DMD: variants seen among roughly 807,000 people sequenced by gnomAD.
DMD encodes dystrophin.
In DMD, 63 loss-of-function variants were observed where a neutral mutation model predicts 330.1. The observed-to-expected ratio is 0.19, with a 90% CI of 0.16 to 0.24. DMD has a LOEUF of 0.24. DMD is among the 10% of genes least tolerant of loss of function. The pLI, the probability that DMD is intolerant of heterozygous loss-of-function variation, is 1.00. For missense variants in DMD, 3,344 were observed against 2,684.1 expected, an observed-to-expected ratio of 1.25 and a Z score of -5.43; for synonymous variants, 1,223 against 959.8, an observed-to-expected ratio of 1.27 and a Z score of -5.07.
At chrX:32,052,719 G>A (rs1406827772) in intron 44 of DMD, among the ~76,000 whole-genome samples, 7 of 110,799 alleles carry the variant, frequency 6.3e-5, no homozygotes, top group South Asian at 3.8e-4. Flanking sequence ...TGGGAAGGTG[G>A]GCACAACGAT....
At chrX:32,325,430 C>T (rs148800458) in intron 41 of DMD, among the ~76,000 whole-genome samples, 1 of 111,427 alleles carries the variant, frequency 9.0e-6, no homozygotes, top group Admixed American at 9.6e-5. Flanking sequence ...GTAGGCATGG[C>T]CCCCTCTAAT....
intron 52 of DMD, among the ~76,000 whole-genome samples, chrX:31,721,705 T>C (rs1217776975): frequency 4.1e-5 from 2 of 49,075 alleles, no homozygotes; most frequent in African/African-American, 2.5e-4. Flanking sequence ...TCTCTCTCTC[T>C]CTCTCTCTCT....
At chrX:32,413,427 T>TC (rs1489792711) in intron 29 of DMD, among the ~76,000 whole-genome samples, 2 of 111,530 alleles carry the variant, frequency 1.8e-5, no homozygotes, top group African/African-American at 6.6e-5. Flanking sequence ...CTCTATCATG[T>TC]CCTTCATCAT....
At chrX:31,329,343 A>G (rs1157442298) in intron 61 of DMD, among the ~76,000 whole-genome samples, 3 of 111,519 alleles carry the variant, frequency 2.7e-5, no homozygotes, top group Non-Finnish European at 3.8e-5. Flanking sequence ...ATTTTCATAC[A>G]ATGGAATACC....
At chrX:32,738,097 G>A (rs1035018138) in intron 7 of DMD, among the ~76,000 whole-genome samples, 1 of 111,366 alleles carries the variant, frequency 9.0e-6, no homozygotes, top group Non-Finnish European at 1.9e-5. Flanking sequence ...AGTGAAATAT[G>A]GGCAAAACTG....
chrX:32,193,153 G>A (rs920812132), intron 44 of DMD, among the ~76,000 whole-genome samples: 1 of 111,102 alleles, frequency 9.0e-6, no homozygotes, highest in African/African-American at 3.3e-5. Context: ...GCCACGACTG[G>A]AAGCTTCCCG....
chrX:31,623,866 C>T (rs1218209784), intron 55 of DMD, among the ~76,000 whole-genome samples: 1 of 110,943 alleles, frequency 9.0e-6, no homozygotes, highest in East Asian at 2.8e-4. Context: ...ATAAAGGTCA[C>T]CACATACCCA....
chrX:32,924,703 A>C (rs1189713615), intron 2 of DMD, among the ~76,000 whole-genome samples: 1 of 111,510 alleles, frequency 9.0e-6, no homozygotes, highest in Non-Finnish European at 1.9e-5. Context: ...GTGAGAAAAT[A>C]TTCTTTAGAA....
At chrX:31,663,222 G>A (rs1569195628) in intron 53 of DMD, among the ~76,000 whole-genome samples, 1 of 111,833 alleles carries the variant, frequency 8.9e-6, no homozygotes, top group Non-Finnish European at 1.9e-5. Context: ...TGCTCCCTCT[G>A]TAATTCCATT....
intron 23 of DMD, among the ~76,000 whole-genome samples, chrX:32,467,874 T>A (rs2040208677): frequency 9.1e-6 from 1 of 110,036 alleles, no homozygotes; most frequent in Non-Finnish European, 1.9e-5. Context: ...TCTGCTAATT[T>A]CTTAGGAGTA....
chrX:33,250,034 T>A (rs1450264143), intron 1 of DMD, among the ~76,000 whole-genome samples: 13 of 104,662 alleles, frequency 1.2e-4, no homozygotes, highest in African/African-American at 4.7e-4. Context: ...TGTGTTGTTG[T>A]GGTTCTTTTT....
chrX:31,944,603 G>A (rs191614212), intron 45 of DMD, among the ~76,000 whole-genome samples: 1,581 of 104,320 alleles, frequency 0.015, 12 homozygotes, highest in Non-Finnish European at 0.024. Flanking sequence ...TCAGCCTCCC[G>A]AGTAGCTGGG....
intron 2 of DMD, among the ~76,000 whole-genome samples, chrX:32,998,252 T>G (rs2093177371): frequency 9.4e-6 from 1 of 105,942 alleles, no homozygotes; most frequent in African/African-American, 3.4e-5. Context: ...TGCCTGTAGC[T>G]AAGCTACCGG....
chrX:31,586,610 A>C (rs1355572253), intron 55 of DMD, among the ~76,000 whole-genome samples: 1 of 112,739 alleles, frequency 8.9e-6, no homozygotes, highest in African/African-American at 3.2e-5. Flanking sequence ...ATAGCAGAAT[A>C]GCTTTGGGAA....
chrX:31,659,182 A>G (rs868684220), intron 53 of DMD, among the ~76,000 whole-genome samples: 6 of 111,868 alleles, frequency 5.4e-5, no homozygotes, highest in South Asian at 3.7e-4. Context: ...ACTGCTGGGG[A>G]CCGTTATCTA....
intron 44 of DMD, among the ~76,000 whole-genome samples, chrX:32,017,637 G>C (rs969018881): frequency 9.0e-6 from 1 of 111,661 alleles, no homozygotes; most frequent in Non-Finnish European, 1.9e-5. Flanking sequence ...CATATGTAAC[G>C]AGGAACTGGC....
At chrX:31,958,993 C>CA (rs937980661) in intron 45 of DMD, among the ~76,000 whole-genome samples, 1 of 111,305 alleles carries the variant, frequency 9.0e-6, no homozygotes, top group African/African-American at 3.3e-5. Context: ...TTCCCCCAAG[C>CA]AAAAAACCTG....
At chrX:33,149,101 C>G (rs778076205) in intron 1 of DMD, among the ~76,000 whole-genome samples, 2 of 110,157 alleles carry the variant, frequency 1.8e-5, no homozygotes, top group African/African-American at 6.6e-5. Flanking sequence ...ATTTATCATG[C>G]ACTTTATTTC....
At chrX:32,547,477 G>T (rs146056116) in intron 16 of DMD, among the ~76,000 whole-genome samples, 1 of 110,834 alleles carries the variant, frequency 9.0e-6, no homozygotes. Flanking sequence ...CTACTACACT[G>T]TAATTGAAAA....
Sources: gnomAD v4.1 joint callset for allele counts (sites outside exome capture counted in the v4.1 genomes callset) on GRCh38, gnomAD v4.1.1 for gene constraint, MANE v1.5 for transcripts, NCBI Gene and HGNC (gene_info 2026-07-23, HGNC 2026-07-21) for gene names.